Variants in PRMT2 observed in about 807,000 individuals in gnomAD.
The protein encoded by PRMT2 is protein arginine methyltransferase 2, also known as protein arginine N-methyltransferase 2.
Under a neutral mutation model 57.6 loss-of-function variants are expected in PRMT2, and 26 were observed. The observed-to-expected ratio is 0.45, with a 90% CI of 0.33 to 0.63. The LOEUF is 0.63. Among genes scored for constraint, PRMT2 ranks in the 20% least tolerant of loss-of-function variants. The probability of loss-of-function intolerance (pLI) is 0.02; values close to 1 mark genes in which losing one functional copy is unlikely to be tolerated. For synonymous variants in PRMT2, 219 were observed against 220.0 expected (o/e 1.00, Z 0.04); for missense variants, 472 against 564.4 (o/e 0.84, Z 1.66).
rs185930870 is a variant in PRMT2 at position 46,639,573 on chromosome 21, T to A, written c.39+2583T>A. ...TTCTAGATTAATTGACCTTATTTTTTATAAAACATCTGTCTTTTTACCTGT... is the reference window on the plus strand; with the variant it reads ...TTCTAGATTAATTGACCTTATTTTTAATAAAACATCTGTCTTTTTACCTGT... On this transcript the variant is annotated intron_variant, in intron 3 of 11. Transcript: ENST00000355680. 6.6e-5 allele frequency among the ~76,000 whole-genome samples: 10 copies of A among 152,260 alleles called. No homozygotes were observed. In the East Asian group the frequency reaches 1.9e-3, roughly 29 times the overall value.
chr21:46,644,180 C>A, intron 4 of PRMT2, 126 bp from the exon 5 acceptor site: 1 of 917,734 alleles, frequency 1.1e-6, no homozygotes, highest in Non-Finnish European at 1.6e-6. Flanking sequence ...CAGTTGCTGT[C>A]ATTACCCACT....
intron 3 of PRMT2, among the ~76,000 whole-genome samples, chr21:46,643,010 G>C (rs1202679371): frequency 6.7e-6 from 1 of 149,018 alleles, no homozygotes; most frequent in East Asian, 1.9e-4. Flanking sequence ...CTGGGCAACA[G>C]AGCAAGACTC....
At position 46,644,363 on chromosome 21, in the gene PRMT2, T is replaced by C; in HGVS notation, c.202T>C (p.Trp68Arg). 6.2e-7 allele frequency: 1 copy of C among 1,612,374 alleles called. No homozygotes were observed. Among genetic ancestry groups the C allele is most frequent in the Non-Finnish European group, 8.5e-7 (1 of 1,179,412 alleles). Reference protein sequence around the residue: ...LILRQTTADWWWGERAGCCGY... With the variant: ...LILRQTTADWRWGERAGCCGY... ...CCTGAGACAAACCACTGCAGATTGG[T>C]GGTGGGGTGAGCGTGCGGGCTGCTG... The change falls in exon 5 of 12, where the codon TGG (tryptophan) becomes CGG (arginine). Residue 68 changes from tryptophan to arginine, a missense_variant. Transcript: ENST00000355680.
chr21:46,637,545 C>A (rs952532433), intron 3 of PRMT2, among the ~76,000 whole-genome samples: 6 of 152,012 alleles, frequency 3.9e-5, no homozygotes, highest in African/African-American at 1.4e-4. Flanking sequence ...TTTTCTCTTT[C>A]ATTCCAATGA....
At chr21:46,660,109 T>C in intron 8 of PRMT2, 1 of 970,240 alleles carries the variant, frequency 1.0e-6, no homozygotes, top group South Asian at 4.8e-5. Context: ...GTAAATATAG[T>C]GGAATCTTTA....
rs573581021 is a variant in PRMT2, at chr21:46,648,822, C to T, written c.489+203C>T. On this transcript the variant is annotated intron_variant, in intron 6 of 11. Coordinates refer to ENST00000355680, the MANE Select transcript of PRMT2 (RefSeq NM_206962.4). The surrounding 1 kb of genome is among the most constrained non-coding windows in gnomAD (Gnocchi z 4.8). ...ACCGCGTGCTAGAGGCCGTGGCGCCCGCGTACAATGAGTCGCAGACAGCAC... is the reference window on the plus strand; with the variant it reads ...ACCGCGTGCTAGAGGCCGTGGCGCCTGCGTACAATGAGTCGCAGACAGCAC... 6.6e-6 allele frequency among the ~76,000 whole-genome samples: 1 copy of T among 152,258 alleles called. No homozygotes were observed. Among genetic ancestry groups the T allele is most frequent in the Admixed American group, 6.5e-5 (1 of 15,302 alleles).
intron 7 of PRMT2, chr21:46,653,231 C>T (rs1319083312): frequency 1.0e-6 from 1 of 985,280 alleles, no homozygotes; most frequent in Non-Finnish European, 1.2e-6. Context: ...CTTCACACAG[C>T]CTTGTACTGT....
In PRMT2 at chr21:46,649,655, C is replaced by G; in HGVS notation, c.570C>G (p.Thr190=). 1 of 1,614,050 alleles carries G rather than the reference C, an allele frequency of 6.2e-7. No homozygotes were observed. Among genetic ancestry groups the G allele is most frequent in the Non-Finnish European group, 8.5e-7 (1 of 1,180,028 alleles). The change falls in exon 7 of 12, where the codon ACC becomes ACG. Residue 190 remains threonine, a synonymous_variant. Transcript: ENST00000355680. This position sits in a 1 kb window ranked among gnomAD's most constrained non-coding sequence, Gnocchi z 4.8. ...VLQNGFADII[T]VYQQKVEDVV... is the part of the protein sequence containing the mutation. ...AGAACGGCTTTGCTGACATCATCAC[C>G]GTGTACCAGCAGAAGGTGGAGGATG...
chr21:46,641,719 C>CTG (rs34542867), intron 3 of PRMT2, among the ~76,000 whole-genome samples: 3,349 of 148,190 alleles, frequency 0.023, 202 homozygotes, highest in Admixed American at 0.14. Flanking sequence ...AAGAAACAGC[C>CTG]TGTGTGTGTG....
At chr21:46,646,005 C>T (rs1243428830) in intron 5 of PRMT2, among the ~76,000 whole-genome samples, 1 of 152,096 alleles carries the variant, frequency 6.6e-6, no homozygotes, top group East Asian at 1.9e-4. Context: ...TGAACCATTG[C>T]GCCCGGCCGG....
At chr21:46,651,918 T>C (rs1277387624) in intron 7 of PRMT2, 1 of 1,613,242 alleles carries the variant, frequency 6.2e-7, no homozygotes, top group Middle Eastern at 1.6e-4. Context: ...TCTGTCCCTC[T>C]TCATGTCCTC....
intron 3 of PRMT2, among the ~76,000 whole-genome samples, chr21:46,641,548 C>T (rs1461774576): frequency 1.3e-5 from 2 of 152,010 alleles, no homozygotes; most frequent in Non-Finnish European, 2.9e-5. Context: ...AAAAATTAGC[C>T]GGGCGTAGTG....
Position 46,654,574 on chromosome 21 carries a change from G to C in PRMT2, c.655-4171G>C, listed in dbSNP as rs562374321. Among the ~76,000 whole-genome samples, 21 of 152,210 alleles carry C rather than the reference G, an allele frequency of 1.4e-4. No homozygotes were observed. In the South Asian group the frequency reaches 4.4e-3, roughly 32 times the overall value. ...TTGAAGTACGGTCAAGTATCTGTGG[G>C]CTCCACATCTGTAGATACAACCTAC... is the stretch of plus-strand genomic sequence containing the variant. On this transcript the variant is annotated intron_variant, in intron 7 of 11. Coordinates refer to ENST00000355680, the MANE Select transcript of PRMT2 (RefSeq NM_206962.4).
chr21:46,652,866 TCTC>T, intron 7 of PRMT2: 1 of 1,300,774 alleles, frequency 7.7e-7, no homozygotes, highest in Non-Finnish European at 1.0e-6. Context: ...TCTTGCTTGT[TCTC>T]CTGAGGCCAC....
intron 8 of PRMT2, chr21:46,659,893 A>G (rs1360162043): frequency 1.0e-6 from 1 of 985,348 alleles, no homozygotes. Context: ...GAAAGGGTTT[A>G]AGAGACAGTA....
At chr21:46,654,968 A>C in intron 7 of PRMT2, 1 of 961,162 alleles carries the variant, frequency 1.0e-6, no homozygotes, top group African/African-American at 1.8e-5. Context: ...AAGGTCCATG[A>C]AATGGACCAA....
At chr21:46,652,784 A>T in intron 7 of PRMT2, 1 of 1,221,084 alleles carries the variant, frequency 8.2e-7, no homozygotes, top group Non-Finnish European at 1.1e-6. Context: ...TCAACAGACC[A>T]TTTAATCATT....
At chr21:46,637,939 C>T (rs1174782619) in intron 3 of PRMT2, among the ~76,000 whole-genome samples, 3 of 151,940 alleles carry the variant, frequency 2.0e-5, no homozygotes, top group South Asian at 2.1e-4. Context: ...CATTCCAGCA[C>T]GGCCAATAAA....
In PRMT2 at chr21:46,648,535, C is replaced by T. The variant is rs878896973; in HGVS notation, c.405C>T (p.Ser135=). The T allele has an allele frequency of 1.2e-6, 2 of 1,614,080 alleles. No individual in the cohort carries two copies. The highest frequency in any genetic ancestry group is 1.7e-5 in the Admixed American group (1 of 60,012). ...GTGTCATCCTGCAGAATAAAGAATC[C>T]CTGACGGATAAAGTCATCCTGGACG... is the stretch of plus-strand genomic sequence containing the variant. ...YHSVILQNKE[S]LTDKVILDVG... is the part of the protein sequence containing the mutation. The change falls in exon 6 of 12, where the codon TCC becomes TCT. Residue 135 remains serine, a synonymous_variant. Transcript: ENST00000355680. The surrounding 1 kb of genome is among the most constrained non-coding windows in gnomAD (Gnocchi z 4.8).
Sources: allele counts gnomAD v4.1 joint callset (sites outside exome capture counted in the v4.1 genomes callset), GRCh38; gene constraint gnomAD v4.1.1; non-coding constraint Gnocchi (gnomAD v3.1); transcripts MANE v1.5; gene names NCBI Gene and HGNC (gene_info 2026-07-23, HGNC 2026-07-21).